The following CARMIL1 variants were observed in gnomAD, a reference collection of about 807,000 sequenced individuals.
CARMIL1 encodes capping protein regulator and myosin 1 linker 1, also known as F-actin-uncapping protein LRRC16A.
Under a neutral mutation model 177.1 loss-of-function variants are expected in CARMIL1, and 90 were observed. The ratio of observed to expected loss-of-function variants is 0.51; its 90% CI spans 0.43 to 0.61. The LOEUF is 0.61. CARMIL1 is among the 20% of genes least tolerant of loss of function. The probability of loss-of-function intolerance (pLI) is 0.00; values close to 1 mark genes in which losing one functional copy is unlikely to be tolerated. For synonymous variants in CARMIL1, 577 were observed against 606.2 expected (o/e 0.95, Z 0.71); for missense variants, 1,380 against 1,667.0 (o/e 0.83, Z 3.00).
intron 31 of CARMIL1, among the ~76,000 whole-genome samples, chr6:25,589,870 A>G (rs9356983): frequency 0.18 from 28,048 of 152,188 alleles, 2,823 homozygotes; most frequent in East Asian, 0.4. Flanking sequence ...TATATCATCC[A>G]GGTGACTGGT....
chr6:25,502,939 T>G (rs1804548614), intron 17 of CARMIL1, among the ~76,000 whole-genome samples: 1 of 152,224 alleles, frequency 6.6e-6, no homozygotes, highest in African/African-American at 2.4e-5. Flanking sequence ...CTATATACCT[T>G]GTTCTTTAAA....
intron 2 of CARMIL1, among the ~76,000 whole-genome samples, chr6:25,356,674 G>C (rs1002669021): frequency 1.3e-5 from 2 of 152,170 alleles, no homozygotes; most frequent in African/African-American, 4.8e-5. Flanking sequence ...AATGCCCTCT[G>C]GCAGCCAAGT....
At chr6:25,586,564 A>C (rs923157863) in intron 31 of CARMIL1, among the ~76,000 whole-genome samples, 2 of 151,908 alleles carry the variant, frequency 1.3e-5, no homozygotes, top group African/African-American at 4.8e-5. Context: ...GCGGCCAGGC[A>C]GAGGCTGCAA....
intron 2 of CARMIL1, among the ~76,000 whole-genome samples, chr6:25,297,331 A>G (rs1379208647): frequency 6.6e-6 from 1 of 152,180 alleles, no homozygotes; most frequent in African/African-American, 2.4e-5. Flanking sequence ...TCCTTATCAG[A>G]ATTTTATCTC....
At chr6:25,531,903 T>G (rs1380185958) in intron 24 of CARMIL1, among the ~76,000 whole-genome samples, 2 of 151,228 alleles carry the variant, frequency 1.3e-5, no homozygotes. Context: ...CCCGAGTAGC[T>G]GGAATTATAG....
chr6:25,607,306 C>T (rs987154602), intron 35 of CARMIL1, among the ~76,000 whole-genome samples: 1 of 151,962 alleles, frequency 6.6e-6, no homozygotes, highest in Non-Finnish European at 1.5e-5. Flanking sequence ...ATCAATTCTT[C>T]ACCTCTTCCC....
intron 29 of CARMIL1, among the ~76,000 whole-genome samples, chr6:25,568,683 G>A (rs1440893650): frequency 6.6e-6 from 1 of 152,122 alleles, no homozygotes. Context: ...TGGCCAAAAT[G>A]ACTTTTTTTT....
Position 25,401,932 on chromosome 6 carries a change from G to C in CARMIL1, c.139-18182G>C, listed in dbSNP as rs572988163. Among the ~76,000 whole-genome samples the C allele has an allele frequency of 1.7e-3, 262 of 151,930 alleles. 1 individual carries two copies. The highest frequency in any genetic ancestry group is 6.1e-3 in the African/African-American group (254 of 41,442). ...TGCCACCAACTCTATTAATCAGTCC[G>C]CATTTCTCAGACCTGGCTCTCAGCC... is the stretch of plus-strand genomic sequence containing the variant. On this transcript the variant is annotated intron_variant, in intron 2 of 36. Transcript: ENST00000329474.
chr6:25,319,377 G>A (rs373253574), intron 2 of CARMIL1, among the ~76,000 whole-genome samples: 1 of 151,870 alleles, frequency 6.6e-6, no homozygotes, highest in East Asian at 1.9e-4. Flanking sequence ...AAATAATTTA[G>A]GTAAGGTTTT....
At chr6:25,424,627 T>A (rs1796135259) in intron 3 of CARMIL1, among the ~76,000 whole-genome samples, 1 of 152,186 alleles carries the variant, frequency 6.6e-6, no homozygotes, top group African/African-American at 2.4e-5. Context: ...AATGCAACAT[T>A]TTAGTGAAAG....
chr6:25,605,448 T>C (rs1329777671), intron 34 of CARMIL1, among the ~76,000 whole-genome samples: 6 of 152,254 alleles, frequency 3.9e-5, no homozygotes, highest in South Asian at 4.1e-4. Context: ...GAGAGTCTTA[T>C]GCATAGCTAC....
At chr6:25,596,228 C>T (rs940617789) in intron 32 of CARMIL1, among the ~76,000 whole-genome samples, 9 of 151,988 alleles carry the variant, frequency 5.9e-5, no homozygotes, top group Non-Finnish European at 8.8e-5. Context: ...GTTCATGTTT[C>T]AGTGCACAAA....
At chr6:25,556,921 T>TTTTA in intron 29 of CARMIL1, 71 bp downstream of exon 29, 24 of 1,354,828 alleles carry the variant, frequency 1.8e-5, no homozygotes, top group Middle Eastern at 1.9e-4. Flanking sequence ...TTTTTTTTTT[T>TTTTA]AAATCTCACC....
rs572584039 is a variant in CARMIL1 at position 25,536,276 on chromosome 6, A to G, written c.2068-1579A>G. Among the ~76,000 whole-genome samples, 3 of 152,298 alleles carry G rather than the reference A, an allele frequency of 2.0e-5. No homozygotes were observed. In the South Asian group the frequency reaches 6.2e-4, roughly 32 times the overall value. ...GTTAGAAGAGTTATGATTTCTATCA[A>G]TTAAGATTTTAAAAAACTTATAGTT... On this transcript the variant is annotated intron_variant, in intron 24 of 36. Coordinates refer to ENST00000329474, the MANE Select transcript of CARMIL1 (RefSeq NM_017640.6).
intron 5 of CARMIL1, among the ~76,000 whole-genome samples, chr6:25,441,337 A>ATATATATATATATGTGTG: frequency 0.036 from 3,355 of 94,200 alleles, 108 homozygotes; most frequent in Non-Finnish European, 0.053. Context: ...ATATATATAT[A>ATATATATATATATGTGTG]TGTGTGTGTG....
chr6:25,471,969 T>G (rs1422792037), intron 10 of CARMIL1, among the ~76,000 whole-genome samples: 1 of 152,210 alleles, frequency 6.6e-6, no homozygotes, highest in Non-Finnish European at 1.5e-5. Flanking sequence ...ACTAAAACAG[T>G]GGTTTTAATT....
intron 2 of CARMIL1, among the ~76,000 whole-genome samples, chr6:25,367,482 G>T (rs10456044): frequency 0.48 from 72,693 of 151,496 alleles, 18,532 homozygotes; most frequent in Non-Finnish European, 0.58. Flanking sequence ...GGACCTCCTA[G>T]GGGAGAGCTA....
intron 2 of CARMIL1, among the ~76,000 whole-genome samples, chr6:25,290,270 AC>A (rs1202001854): frequency 6.7e-6 from 1 of 149,996 alleles, no homozygotes; most frequent in East Asian, 2.0e-4. Context: ...TAATTTTTGT[AC>A]TTTTTGTAGA....
chr6:25,604,581 AACCGGCCACACTTTGG>A (rs1400241475), intron 33 of CARMIL1, among the ~76,000 whole-genome samples: 1 of 152,162 alleles, frequency 6.6e-6, no homozygotes, highest in East Asian at 1.9e-4. Flanking sequence ...CGAGGAACCA[AACCGGCCACACTTTGG>A]ACCCCAGAGT....
Sources: allele counts gnomAD v4.1 joint callset (sites outside exome capture counted in the v4.1 genomes callset), GRCh38; gene constraint gnomAD v4.1.1; transcripts MANE v1.5; gene names NCBI Gene and HGNC (gene_info 2026-07-23, HGNC 2026-07-21).